The following DAB1 variants were observed in gnomAD, a reference collection of about 807,000 sequenced individuals.
The protein encoded by DAB1 is disabled homolog 1.
DAB1 carries 15 observed loss-of-function variants against 64.6 expected under a neutral mutation model. The observed-to-expected ratio is 0.23, with a 90% confidence interval of 0.16 to 0.36. DAB1 has a LOEUF of 0.36. Among genes scored for constraint, DAB1 ranks in the 10% least tolerant of loss-of-function variants. The pLI, the probability that DAB1 is intolerant of heterozygous loss-of-function variation, is 1.00. For missense variants in DAB1, 596 were observed against 706.7 expected, an observed-to-expected ratio of 0.84 and a Z score of 1.78; for synonymous variants, 235 against 251.9, an observed-to-expected ratio of 0.93 and a Z score of 0.64.
intron 7 of DAB1, among the ~76,000 whole-genome samples, chr1:57,599,175 GCTT>G (rs773326306): frequency 1.4e-5 from 2 of 144,792 alleles, no homozygotes; most frequent in Non-Finnish European, 3.0e-5. Context: ...GTTGATTTGA[GCTT>G]CTTCTTTTTT....
intron 4 of DAB1, among the ~76,000 whole-genome samples, chr1:58,286,568 AG>A (rs1316591848): frequency 6.6e-6 from 1 of 152,226 alleles, no homozygotes; most frequent in Non-Finnish European, 1.5e-5. Context: ...ATTTTAAAAA[AG>A]ATCAACATCA....
intron 3 of DAB1, among the ~76,000 whole-genome samples, chr1:57,142,230 G>A (rs552470377): frequency 3.3e-5 from 5 of 152,068 alleles, no homozygotes; most frequent in Non-Finnish European, 7.3e-5. Flanking sequence ...GCAAGAACAC[G>A]CACCAGCTTC....
At chr1:57,188,374 C>T (rs905316493) in intron 2 of DAB1, among the ~76,000 whole-genome samples, 11 of 151,538 alleles carry the variant, frequency 7.3e-5, no homozygotes, top group Non-Finnish European at 1.2e-4. Flanking sequence ...TGTGAGTAAT[C>T]GACAGAAAAA....
intron 5 of DAB1, among the ~76,000 whole-genome samples, chr1:57,941,467 T>C (rs894252262): frequency 6.6e-6 from 1 of 152,228 alleles, no homozygotes; most frequent in Non-Finnish European, 1.5e-5. Context: ...TTAAATGAGA[T>C]CATGAATGTG....
chr1:57,504,579 A>G (rs1427222383), intron 7 of DAB1, among the ~76,000 whole-genome samples: 3 of 152,246 alleles, frequency 2.0e-5, no homozygotes, highest in East Asian at 1.9e-4. Context: ...GGGAGAATAT[A>G]TAACTCTCCT....
At chr1:57,142,211 C>T (rs74077262) in intron 3 of DAB1, among the ~76,000 whole-genome samples, 4,121 of 152,216 alleles carry the variant, frequency 0.027, 216 homozygotes, top group African/African-American at 0.095. Context: ...CAAGAGAAAA[C>T]TCTCTAATGC....
chr1:57,000,218 T>C (rs670577), intron 14 of DAB1, among the ~76,000 whole-genome samples: 46,654 of 151,702 alleles, frequency 0.31, 8,566 homozygotes, highest in African/African-American at 0.5. Flanking sequence ...TAATTTTTTA[T>C]ATTTTTTAGT....
intron 3 of DAB1, among the ~76,000 whole-genome samples, chr1:58,392,533 G>A (rs1235931156): frequency 1.8e-4 from 28 of 152,042 alleles, no homozygotes; most frequent in Admixed American, 1.8e-3. Context: ...ACCATTTGCT[G>A]TCCACTGGTT....
At chr1:57,459,295 A>G (rs973302240) in intron 7 of DAB1, among the ~76,000 whole-genome samples, 5 of 152,186 alleles carry the variant, frequency 3.3e-5, no homozygotes, top group African/African-American at 1.2e-4. Context: ...GTTATGATGG[A>G]AAACCATCCT....
intron 6 of DAB1, among the ~76,000 whole-genome samples, chr1:57,699,922 A>T (rs550739514): frequency 1.3e-5 from 2 of 152,260 alleles, no homozygotes; most frequent in South Asian, 4.2e-4. Flanking sequence ...AAAGAAAAAA[A>T]AATTAATAAG....
intron 2 of DAB1, among the ~76,000 whole-genome samples, chr1:57,244,156 A>G (rs1025210496): frequency 1.3e-5 from 2 of 152,072 alleles, no homozygotes; most frequent in Non-Finnish European, 2.9e-5. Context: ...TTTTATTCCA[A>G]TTGCATTTTC....
In DAB1 at chr1:57,879,195, A is replaced by G. The variant is rs1200534248; in HGVS notation, n.87+4804T>C. Reference sequence around the variant, plus strand: ...CTGGGCACATAGCTAAGCTACATTTACATTCCCCTAACAATTAAATTGGGC... The same window carrying G: ...CTGGGCACATAGCTAAGCTACATTTGCATTCCCCTAACAATTAAATTGGGC... On this transcript the variant is annotated intron_variant and non_coding_transcript_variant, in intron 1 of 1. Transcript: ENST00000477280. 2.0e-5 allele frequency among the ~76,000 whole-genome samples: 3 copies of G among 152,136 alleles called. No individual in the cohort carries two copies. In the East Asian group the frequency reaches 5.8e-4, roughly 29 times the overall value.
chr1:58,274,995 C>A (rs142287629), intron 4 of DAB1, among the ~76,000 whole-genome samples: 1 of 152,072 alleles, frequency 6.6e-6, no homozygotes, highest in African/African-American at 2.4e-5. Flanking sequence ...AGCTGTAGAC[C>A]GGAGCTGTTC....
At chr1:58,079,583 C>A (rs59146339) in intron 5 of DAB1, among the ~76,000 whole-genome samples, 2 of 136,118 alleles carry the variant, frequency 1.5e-5, no homozygotes, top group Admixed American at 8.5e-5. Context: ...AGTGCAATGG[C>A]GCAATCTCGG....
chr1:58,136,739 T>C (rs2100706533), intron 5 of DAB1, among the ~76,000 whole-genome samples: 1 of 152,338 alleles, frequency 6.6e-6, no homozygotes, highest in South Asian at 2.1e-4. Context: ...TTATCTAGGT[T>C]ATAAGACCTA....
intron 3 of DAB1, among the ~76,000 whole-genome samples, chr1:58,401,599 A>G (rs958651149): frequency 1.3e-5 from 2 of 152,244 alleles, no homozygotes; most frequent in Admixed American, 1.3e-4. Context: ...ATCTTTGAGA[A>G]GGCGTGGACT....
chr1:58,164,184 C>T lies in DAB1; in HGVS notation n.310-13596G>A, dbSNP rs74075936. Among the ~76,000 whole-genome samples, 1,178 of 128,642 alleles carry T rather than the reference C, an allele frequency of 9.2e-3. 16 individuals are homozygous for T. The highest frequency in any genetic ancestry group is 0.034 in the African/African-American group (1,123 of 33,104). The allele number at this position is 128,642 out of a possible 152,430, so 84.4% of individuals were successfully genotyped here. On this transcript the variant is annotated intron_variant and non_coding_transcript_variant, in intron 4 of 20. Transcript: ENST00000485760. ...AGCTACTAAACAACTCAAGAGAGCTCAGCTTAAAAAAAAAAAAAAAAAAAA... is the reference window on the plus strand; with the variant it reads ...AGCTACTAAACAACTCAAGAGAGCTTAGCTTAAAAAAAAAAAAAAAAAAAA...
At chr1:57,064,819 C>A (rs1650744441) in intron 8 of DAB1, among the ~76,000 whole-genome samples, 1 of 152,316 alleles carries the variant, frequency 6.6e-6, no homozygotes, top group South Asian at 2.1e-4. Flanking sequence ...ATCTTGCAAG[C>A]TTCACTGTGC....
chr1:57,096,437 A>G (rs1479371394), intron 4 of DAB1, among the ~76,000 whole-genome samples: 1 of 152,240 alleles, frequency 6.6e-6, no homozygotes, highest in Non-Finnish European at 1.5e-5. Flanking sequence ...ACTTGAAGAA[A>G]AATTAAATTC....
Sources: gnomAD v4.1 joint callset for allele counts (sites outside exome capture counted in the v4.1 genomes callset) on GRCh38, gnomAD v4.1.1 for gene constraint, MANE v1.5 for transcripts, NCBI Gene and HGNC (gene_info 2026-07-23, HGNC 2026-07-21) for gene names.